ADAM32: variants seen among roughly 807,000 people sequenced by gnomAD.
ADAM32 encodes disintegrin and metalloproteinase domain-containing protein 32.
A neutral mutation model predicts 114.9 loss-of-function variants in ADAM32; 89 were observed. The ratio of observed to expected loss-of-function variants is 0.77; its 90% CI spans 0.65 to 0.92. The LOEUF is 0.92. Among genes scored for constraint, ADAM32 ranks in the 40% least tolerant of loss-of-function variants. The probability of loss-of-function intolerance (pLI) is 0.00; values close to 1 mark genes in which losing one functional copy is unlikely to be tolerated. For missense variants in ADAM32, 870 were observed against 932.8 expected (o/e 0.93, Z 0.88); for synonymous variants, 285 against 307.5 (o/e 0.93, Z 0.77).
At chr8:39,214,578 C>G (rs1808440811) in intron 12 of ADAM32, among the ~76,000 whole-genome samples, 1 of 152,050 alleles carries the variant, frequency 6.6e-6, no homozygotes, top group Non-Finnish European at 1.5e-5. Flanking sequence ...CTTTTATGTT[C>G]TGGATATTAA....
Position 39,254,417 on chromosome 8 carries a change from T to C in ADAM32, c.1906T>C (p.Cys636Arg), listed in dbSNP as rs1328178468. 1.3e-6 allele frequency: 2 copies of C among 1,591,058 alleles called. No individual in the cohort carries two copies. Among genetic ancestry groups the C allele is most frequent in the Non-Finnish European group, 1.7e-6 (2 of 1,166,650 alleles). The change falls in exon 18 of 25, where the codon TGT becomes CGT. Residue 636 changes from cysteine to arginine, a missense_variant. Coordinates refer to ENST00000379907, the MANE Select transcript of ADAM32 (RefSeq NM_145004.7). Reference sequence around the variant, plus strand: ...TAATTTTTCAAAATGATCCTAGGTGTGTGATTCCAGAAACAAGTGCCATTG... The same window carrying C: ...TAATTTTTCAAAATGATCCTAGGTGCGTGATTCCAGAAACAAGTGCCATTG... Reference protein sequence around the residue: ...CSQQCSGHGVCDSRNKCHCSP... With the variant: ...CSQQCSGHGVRDSRNKCHCSP...
chr8:39,127,625 C>T (rs375463593), intron 2 of ADAM32, among the ~76,000 whole-genome samples: 6 of 152,030 alleles, frequency 3.9e-5, no homozygotes, highest in African/African-American at 2.4e-5. Flanking sequence ...TCCCCAAAAA[C>T]CAGCTCCTGG....
chr8:39,160,842 A>G, intron 6 of ADAM32, 55 bp from the exon 7 acceptor site: 2 of 1,435,490 alleles, frequency 1.4e-6, no homozygotes, highest in Non-Finnish European at 9.4e-7. Context: ...GAAGAGTTCA[A>G]GTAAAAAAAT....
chr8:39,202,341 C>A (rs974834863), intron 11 of ADAM32, among the ~76,000 whole-genome samples: 15 of 152,120 alleles, frequency 9.9e-5, no homozygotes, highest in African/African-American at 3.1e-4. Context: ...CAACTTCTTC[C>A]TGGCTTAGTC....
chr8:39,160,538 T>C (rs1047641765), intron 6 of ADAM32, among the ~76,000 whole-genome samples: 1 of 32,526 alleles, frequency 3.1e-5, no homozygotes, highest in South Asian at 2.0e-3. Context: ...AGACTCCATC[T>C]CAAAAAAAAA....
At chr8:39,168,659 C>T (rs920433368) in intron 9 of ADAM32, 1 of 152,146 alleles carries the variant, frequency 6.6e-6, no homozygotes, top group Non-Finnish European at 1.5e-5. Context: ...CCACCCCCAA[C>T]TTTTAGTCTG....
chr8:39,198,655 GGCGTGA>G (rs1440891136), intron 11 of ADAM32, among the ~76,000 whole-genome samples: 1 of 152,232 alleles, frequency 6.6e-6, no homozygotes, highest in East Asian at 1.9e-4. Flanking sequence ...TGGGATTACA[GGCGTGA>G]GCCATCATGC....
At chr8:39,284,082 C>T (rs186160535) in intron 24 of ADAM32, among the ~76,000 whole-genome samples, 8 of 152,262 alleles carry the variant, frequency 5.3e-5, no homozygotes, top group African/African-American at 1.9e-4. Context: ...CCTAAATGAC[C>T]TAGCTTCAAA....
intron 6 of ADAM32, 126 bp downstream of exon 6, chr8:39,151,674 T>C (rs957332280): frequency 7.5e-6 from 4 of 532,152 alleles, no homozygotes; most frequent in Non-Finnish European, 1.1e-5. Context: ...GAACATCTTA[T>C]CTTTTTTTTT....
chr8:39,284,020 C>A (rs13253907), intron 24 of ADAM32, among the ~76,000 whole-genome samples: 2 of 151,880 alleles, frequency 1.3e-5, no homozygotes, highest in Non-Finnish European at 1.5e-5. Context: ...GTGATCTGCC[C>A]CCCTCAGCCT....
chr8:39,194,883 G>A (rs925865184), intron 11 of ADAM32, among the ~76,000 whole-genome samples: 3 of 152,130 alleles, frequency 2.0e-5, no homozygotes, highest in Non-Finnish European at 2.9e-5. Context: ...CCAAACCTCT[G>A]GGCTCTACAC....
intron 11 of ADAM32, among the ~76,000 whole-genome samples, chr8:39,189,050 T>G (rs1391501541): frequency 6.6e-6 from 1 of 151,806 alleles, no homozygotes; most frequent in African/African-American, 2.4e-5. Flanking sequence ...CTTTAGCAGG[T>G]GCCAGTAATA....
chr8:39,150,002 C>T, intron 5 of ADAM32, 135 bp downstream of exon 5: 1 of 556,408 alleles, frequency 1.8e-6, no homozygotes, highest in South Asian at 3.7e-5. Context: ...CCCCTCTGAA[C>T]ATGTTTCCAA....
intron 11 of ADAM32, among the ~76,000 whole-genome samples, chr8:39,187,306 C>T (rs1338807831): frequency 6.6e-6 from 1 of 152,190 alleles, no homozygotes; most frequent in Non-Finnish European, 1.5e-5. Context: ...GAGTCTCGCT[C>T]TTTCGCCCAG....
chr8:39,115,651 G>A (rs1326083229), intron 1 of ADAM32, among the ~76,000 whole-genome samples: 2 of 148,868 alleles, frequency 1.3e-5, no homozygotes, highest in African/African-American at 2.5e-5. Context: ...TTAGACCTTT[G>A]TTGGCATAGT....
chr8:39,111,982 A>G (rs529035576), intron 1 of ADAM32, among the ~76,000 whole-genome samples: 10 of 152,274 alleles, frequency 6.6e-5, no homozygotes, highest in Admixed American at 3.9e-4. Context: ...ATAAACATAT[A>G]TATTTCTGGA....
intron 12 of ADAM32, among the ~76,000 whole-genome samples, chr8:39,214,271 A>ACCTGCCTCGGCCTCC (rs1808419443): frequency 2.6e-5 from 4 of 152,084 alleles, no homozygotes; most frequent in Non-Finnish European, 4.4e-5. Context: ...AAACTGTTAT[A>ACCTGCCTCGGCCTCC]CATAGTGATT....
intron 12 of ADAM32, among the ~76,000 whole-genome samples, chr8:39,214,400 T>A (rs1342068629): frequency 4.6e-5 from 7 of 152,194 alleles, no homozygotes; most frequent in African/African-American, 1.7e-4. Flanking sequence ...TGAGATGATA[T>A]CTCATTGTAG....
chr8:39,273,357 T>C (rs1459918720), intron 20 of ADAM32, among the ~76,000 whole-genome samples: 1 of 151,444 alleles, frequency 6.6e-6, no homozygotes, highest in African/African-American at 2.4e-5. Flanking sequence ...AATACAAAAA[T>C]AAATAAATAA....
Sources: gnomAD v4.1 joint callset for allele counts (sites outside exome capture counted in the v4.1 genomes callset) on GRCh38, gnomAD v4.1.1 for gene constraint, MANE v1.5 for transcripts, NCBI Gene and HGNC (gene_info 2026-07-23, HGNC 2026-07-21) for gene names.